The following EFR3B variants were observed in gnomAD, a reference collection of about 807,000 sequenced individuals.
The protein encoded by EFR3B is protein EFR3 homolog B.
A neutral mutation model predicts 104.7 loss-of-function variants in EFR3B; 64 were observed. The observed-to-expected ratio is 0.61, with a 90% CI of 0.50 to 0.75. The LOEUF is 0.75. Ranked by LOEUF, EFR3B falls within the 30% of genes least tolerant of loss-of-function variation. The probability of loss-of-function intolerance (pLI) is 0.00; values close to 1 mark genes in which losing one functional copy is unlikely to be tolerated. For missense variants in EFR3B, 750 were observed against 1,078.5 expected, an observed-to-expected ratio of 0.70 and a Z score of 4.27; for synonymous variants, 385 against 417.9, an observed-to-expected ratio of 0.92 and a Z score of 0.96.
chr2:25,114,716 G>A lies in EFR3B; in HGVS notation c.364-6957G>A, dbSNP rs1179162344. 2.0e-5 allele frequency among the ~76,000 whole-genome samples: 3 copies of A among 152,132 alleles called. No individual in the cohort carries two copies. The highest frequency in any genetic ancestry group is 4.4e-5 in the Non-Finnish European group (3 of 68,034). On this transcript the variant is annotated intron_variant, in intron 4 of 22. Transcript: ENST00000403714. The surrounding 1 kb of genome is among the most constrained non-coding windows in gnomAD (Gnocchi z 4.0). ...GGCTGTCCATCCATCCAGCCTTGACGGACCTCCCTGACCAAGAACATGCTT... is the reference window on the plus strand; with the variant it reads ...GGCTGTCCATCCATCCAGCCTTGACAGACCTCCCTGACCAAGAACATGCTT...
intron 10 of EFR3B, among the ~76,000 whole-genome samples, chr2:25,132,448 C>G (rs981214584): frequency 6.6e-6 from 1 of 152,194 alleles, no homozygotes; most frequent in Non-Finnish European, 1.5e-5. Flanking sequence ...CACAGCCTGC[C>G]TGCCCTAGCC....
intron 1 of EFR3B, among the ~76,000 whole-genome samples, chr2:25,057,123 T>A (rs1668043110): frequency 6.6e-6 from 1 of 152,202 alleles, no homozygotes; most frequent in Non-Finnish European, 1.5e-5. Context: ...GTTCTTTATG[T>A]AACCTGGCTA....
chr2:25,137,649 T>C lies in EFR3B; in HGVS notation c.1722+147T>C. 2.6e-6 allele frequency: 3 copies of C among 1,167,522 alleles called. No homozygotes were observed. The highest frequency in any genetic ancestry group is 3.6e-6 in the Non-Finnish European group (3 of 837,302). The allele number at this position is 1,167,522 out of a possible 1,614,324, so 72.3% of individuals were successfully genotyped here. A position where few individuals can be genotyped will look rare whatever the true frequency, so the allele number is the denominator to read the frequency against. Reference sequence around the variant, plus strand: ...GTACTCGTGGTTGGCCACGCCTCCCTGAAGACCCCAAACCATGGTCCTGTT... The same window carrying C: ...GTACTCGTGGTTGGCCACGCCTCCCCGAAGACCCCAAACCATGGTCCTGTT... On this transcript the variant is annotated intron_variant, in intron 15 of 22. Coordinates refer to ENST00000403714, the MANE Select transcript of EFR3B (RefSeq NM_014971.2). This position sits in a 1 kb window ranked among gnomAD's most constrained non-coding sequence, Gnocchi z 4.7.
Position 25,137,301 on chromosome 2 carries a change from A to G in EFR3B, c.1561-40A>G. Reference sequence around the variant, plus strand: ...TGTTCTCCTTGCCCCTCCTGTCCCCATCCCTCCGACCCTGGCCTTCTGCCC... The same window carrying G: ...TGTTCTCCTTGCCCCTCCTGTCCCCGTCCCTCCGACCCTGGCCTTCTGCCC... On this transcript the variant is annotated intron_variant, in intron 14 of 22. Transcript: ENST00000403714. The surrounding 1 kb of genome is among the most constrained non-coding windows in gnomAD (Gnocchi z 4.7). The G allele has an allele frequency of 3.2e-6, 5 of 1,549,342 alleles. No homozygotes were observed. The South Asian group carries it at 6.0e-5, about 19-fold the overall frequency.
chr2:25,070,689 G>A (rs548877036), intron 1 of EFR3B, among the ~76,000 whole-genome samples: 1 of 152,346 alleles, frequency 6.6e-6, no homozygotes, highest in African/African-American at 2.4e-5. Flanking sequence ...GCAGCCAGGA[G>A]TGGGAGATAT....
intron 1 of EFR3B, among the ~76,000 whole-genome samples, chr2:25,089,916 G>A (rs1257975373): frequency 6.6e-6 from 1 of 151,986 alleles, no homozygotes; most frequent in African/African-American, 2.4e-5. Context: ...GTGCCCCATG[G>A]CTACTCCAAG....
chr2:25,126,535 T>C (rs1670173703), intron 5 of EFR3B, among the ~76,000 whole-genome samples: 1 of 152,070 alleles, frequency 6.6e-6, no homozygotes, highest in South Asian at 2.1e-4. Context: ...AATTTTTGTA[T>C]TGTTAGTAGA....
At chr2:25,144,824 TG>T in intron 18 of EFR3B, 135 bp from the exon 19 acceptor site, 1 of 662,386 alleles carries the variant, frequency 1.5e-6, no homozygotes, top group South Asian at 2.1e-5. Flanking sequence ...AAACTCCAAG[TG>T]TAGCCTGAGT....
At position 25,156,302 on chromosome 2, in the gene EFR3B, T is replaced by G. The variant is rs1423991627; in HGVS notation, c.*1962T>G. The G allele has an allele frequency of 7.2e-6, 1 of 138,672 alleles. No individual in the cohort carries two copies. Among genetic ancestry groups the G allele is most frequent in the Non-Finnish European group, 1.6e-5 (1 of 64,366 alleles). The allele number at this position is 138,672 out of a possible 1,614,324, so 8.6% of individuals were successfully genotyped here. ...GCTTCTTTTTCTTGTTTTTTTTTTT[T>G]TTTTTTTTTTTTTGAGACACCGTCT... On this transcript the variant is annotated 3_prime_UTR_variant, in exon 23 of 23. Transcript: ENST00000403714.
chr2:25,157,747 T>C lies in EFR3B; in HGVS notation c.*3407T>C, dbSNP rs1267907990. The C allele has an allele frequency of 6.6e-6, 1 of 152,246 alleles. No homozygotes were observed. Among genetic ancestry groups the C allele is most frequent in the Non-Finnish European group, 1.5e-5 (1 of 68,060 alleles). 9.4% of individuals were successfully genotyped at this position (152,246 alleles called of 1,614,324 possible). A position where few individuals can be genotyped will look rare whatever the true frequency, so the allele number is the denominator to read the frequency against. On this transcript the variant is annotated 3_prime_UTR_variant, in exon 23 of 23. Coordinates refer to ENST00000403714, the MANE Select transcript of EFR3B (RefSeq NM_014971.2). ...ATCAGTGTGGTCCCGAGGCTCCCTC[T>C]GTTTTCCTTGCCATGGAGTCCCCAG...
chr2:25,058,027 A>T (rs1225560250), intron 1 of EFR3B: 8 of 152,168 alleles, frequency 5.3e-5, no homozygotes. Context: ...CAAAAAAGAT[A>T]TGTAGCTGGC....
In EFR3B at chr2:25,149,746, A is replaced by C; in HGVS notation, c.2191+4A>C. Reference sequence around the variant, plus strand: ...GAGACACTGAAGAAAGCCATTGGTAAGTCAGGGCAAAGGGACTCTGGTTAG... The same window carrying C: ...GAGACACTGAAGAAAGCCATTGGTACGTCAGGGCAAAGGGACTCTGGTTAG... On this transcript the variant is annotated splice_donor_region_variant and intron_variant, in intron 20 of 22. Transcript: ENST00000403714. The C allele has an allele frequency of 1.3e-6, 2 of 1,551,528 alleles. No individual in the cohort carries two copies. Among genetic ancestry groups the C allele is most frequent in the Non-Finnish European group, 1.7e-6 (2 of 1,146,836 alleles).
At chr2:25,121,640 C>G (rs762826695) in intron 4 of EFR3B, 33 bp from the exon 5 acceptor site, 5 of 1,551,320 alleles carry the variant, frequency 3.2e-6, no homozygotes, top group South Asian at 2.4e-5. Flanking sequence ...TGGGTCACCT[C>G]TCTCGTGTGT....
rs1670518856 is a variant in EFR3B, at chr2:25,136,526, C to G, written c.1488C>G (p.Thr496=). Residue 496 remains threonine (T), a synonymous_variant, in exon 14 of 23, where the codon ACC becomes ACG. Coordinates refer to ENST00000403714, the MANE Select transcript of EFR3B (RefSeq NM_014971.2). This position sits in a 1 kb window ranked among gnomAD's most constrained non-coding sequence, Gnocchi z 4.0. ...GGCCCTTTGCATCCCTTCCCAGTAC[C>G]CTCAGTGACATCTCTGTCCTGAAGC... ...GNRHKFSTIS[T]LSDISVLKLK... The G allele has an allele frequency of 6.4e-7, 1 of 1,551,394 alleles. No homozygotes were observed.
intron 3 of EFR3B, among the ~76,000 whole-genome samples, chr2:25,094,298 A>AAAAAAAG (rs1553390785): frequency 6.6e-6 from 1 of 150,378 alleles, no homozygotes; most frequent in African/African-American, 2.4e-5. Context: ...AAAAAAAAAA[A>AAAAAAAG]AAAGAAAAAA....
intron 1 of EFR3B, chr2:25,081,497 GCAATAATTCCATACT>G: frequency 7.2e-7 from 1 of 1,397,546 alleles, no homozygotes; most frequent in South Asian, 1.2e-5. Context: ...CCAGCTTCTT[GCAATAATTCCATACT>G]CATGTATTCA....
chr2:25,131,820 C>G lies in EFR3B; in HGVS notation c.1056C>G (p.Thr352=), dbSNP rs1322600864. Residue 352 remains threonine, a synonymous_variant, in exon 10 of 23, where the codon ACC becomes ACG. Coordinates refer to ENST00000403714, the MANE Select transcript of EFR3B (RefSeq NM_014971.2). The surrounding 1 kb of genome is among the most constrained non-coding windows in gnomAD (Gnocchi z 7.6). ...GGCTCAGCATCGACTACGCGCTGAC[C>G]GGGAGCTACGACGGGGCGGTCAGCC... ...QLRLSIDYAL[T]GSYDGAVSLG... is the part of the protein sequence containing the mutation. 1.9e-6 allele frequency: 3 copies of G among 1,549,694 alleles called. No homozygotes were observed. Among genetic ancestry groups the G allele is most frequent in the South Asian group, 1.2e-5 (1 of 83,840 alleles).
intron 6 of EFR3B, 32 bp downstream of exon 6, chr2:25,128,364 A>G (rs942087246): frequency 2.6e-6 from 4 of 1,550,678 alleles, no homozygotes; most frequent in African/African-American, 1.4e-5. Flanking sequence ...AGGACAGTAG[A>G]TATAATCAAC....
chr2:25,046,506 C>CTTTTTTTTTTTTTTTTTTTT lies in EFR3B; in HGVS notation c.7+4203_7+4204insTTTTTTTTTTTTTTTTTTTT, dbSNP rs531667109. Reference sequence around the variant, plus strand: ...GCAGGCTCCCCCTGAAGTACAAAGTCTTTTTTTTTTTTTTTTGAGACGGAG... The same window carrying CTTTTTTTTTTTTTTTTTTTT: ...GCAGGCTCCCCCTGAAGTACAAAGTCTTTTTTTTTTTTTTTTTTTTTTTTTTTTTTTTTTTTGAGACGGAG... On this transcript the variant is annotated intron_variant, in intron 1 of 22. Transcript: ENST00000403714. Among the ~76,000 whole-genome samples the CTTTTTTTTTTTTTTTTTTTT allele has an allele frequency of 2.8e-4, 33 of 119,108 alleles. 2 individuals carry two copies. The highest frequency in any genetic ancestry group is 2.5e-3 in the East Asian group (8 of 3,256). The allele number at this position is 119,108 out of a possible 152,430, so 78.1% of individuals were successfully genotyped here.
Sources: allele counts gnomAD v4.1 joint callset (sites outside exome capture counted in the v4.1 genomes callset), GRCh38; gene constraint gnomAD v4.1.1; non-coding constraint Gnocchi (gnomAD v3.1); transcripts MANE v1.5; gene names NCBI Gene and HGNC (gene_info 2026-07-23, HGNC 2026-07-21).